The following FAM227B variants were observed in gnomAD, a reference collection of about 807,000 sequenced individuals.
FAM227B encodes family with sequence similarity 227 member B.
FAM227B carries 88 observed loss-of-function variants against 73.8 expected under a neutral mutation model. The ratio of observed to expected loss-of-function variants is 1.19; its 90% CI spans 1.00 to 1.42. The LOEUF (loss-of-function observed/expected upper bound fraction) is 1.42. Among genes scored for constraint, FAM227B ranks in the 40% most tolerant of loss-of-function variants. The pLI is 0.00. For synonymous variants in FAM227B, 210 were observed against 190.5 expected, an observed-to-expected ratio of 1.10 and a Z score of -0.84; for missense variants, 632 against 590.9, an observed-to-expected ratio of 1.07 and a Z score of -0.72.
chr15:49,585,888 A>T (rs2076128983), intron 5 of FAM227B, among the ~76,000 whole-genome samples: 1 of 152,188 alleles, frequency 6.6e-6, no homozygotes, highest in African/African-American at 2.4e-5. Context: ...TGATACAAAC[A>T]AATGGAAAAA....
intron 11 of FAM227B, among the ~76,000 whole-genome samples, chr15:49,489,823 TA>T (rs2056789538): frequency 1.5e-4 from 3 of 19,400 alleles, no homozygotes; most frequent in South Asian, 4.3e-3. Flanking sequence ...ATATATATTT[TA>T]TATATATATA....
chr15:49,379,952 C>T (rs2046415722), intron 11 of FAM227B, among the ~76,000 whole-genome samples: 1 of 152,228 alleles, frequency 6.6e-6, no homozygotes, highest in Admixed American at 6.5e-5. Context: ...CAAAGCCATC[C>T]TGGCCTATTT....
chr15:49,478,086 T>C (rs980148308), intron 11 of FAM227B, among the ~76,000 whole-genome samples: 3 of 152,178 alleles, frequency 2.0e-5, no homozygotes, highest in African/African-American at 7.2e-5. Context: ...TCCCCGCCAG[T>C]AGTCCCCAGT....
At chr15:49,465,529 A>G (rs2054191052) in intron 11 of FAM227B, among the ~76,000 whole-genome samples, 1 of 152,148 alleles carries the variant, frequency 6.6e-6, no homozygotes, top group Non-Finnish European at 1.5e-5. Context: ...GTTGTTACCC[A>G]TAATATGAGT....
At chr15:49,415,779 C>T (rs1337959586) in intron 11 of FAM227B, among the ~76,000 whole-genome samples, 1 of 152,106 alleles carries the variant, frequency 6.6e-6, no homozygotes, top group Non-Finnish European at 1.5e-5. Context: ...ATGACTCATA[C>T]TTTGTATCTT....
intron 11 of FAM227B, among the ~76,000 whole-genome samples, chr15:49,457,428 T>A (rs1277086163): frequency 6.6e-6 from 1 of 152,050 alleles, no homozygotes; most frequent in East Asian, 1.9e-4. Context: ...TTTGGAAAAT[T>A]ATGATGCCAT....
At chr15:49,414,769 T>C (rs1207300437) in intron 11 of FAM227B, among the ~76,000 whole-genome samples, 3 of 152,048 alleles carry the variant, frequency 2.0e-5, no homozygotes, top group African/African-American at 4.8e-5. Context: ...TGTGGTAGAA[T>C]TGACATTTTT....
rs2054995074 is a variant in FAM227B at position 49,473,715 on chromosome 15, AGT to A, written c.1012+34494_1012+34495del. Among the ~76,000 whole-genome samples, 3 of 152,296 alleles carry A rather than the reference AGT, an allele frequency of 2.0e-5. No individual in the cohort carries two copies. The South Asian group carries it at 6.2e-4, about 32-fold the overall frequency. ...GGAAACCAAAGAAATTGTAAAAATAAGTGAGCTAATTTTTTTAAAGCATAGAA... is the reference window on the plus strand; with the variant it reads ...GGAAACCAAAGAAATTGTAAAAATAAGAGCTAATTTTTTTAAAGCATAGAA... On this transcript the variant is annotated intron_variant, in intron 11 of 15. Coordinates refer to ENST00000299338, the MANE Select transcript of FAM227B (RefSeq NM_152647.3).
At chr15:49,430,906 C>G (rs2050555304) in intron 11 of FAM227B, among the ~76,000 whole-genome samples, 1 of 147,548 alleles carries the variant, frequency 6.8e-6, no homozygotes. Flanking sequence ...CTATCCAGAT[C>G]AGAGAAAAGA....
intron 13 of FAM227B, among the ~76,000 whole-genome samples, chr15:49,364,222 A>T (rs891360943): frequency 1.6e-4 from 25 of 152,116 alleles, no homozygotes; most frequent in Non-Finnish European, 2.6e-4. Context: ...GGTGGAATTC[A>T]GCTGTGAATC....
chr15:49,560,116 C>T (rs1017390938), intron 9 of FAM227B, among the ~76,000 whole-genome samples: 1 of 151,960 alleles, frequency 6.6e-6, no homozygotes, highest in East Asian at 1.9e-4. Context: ...GATTAAAAAT[C>T]AACACAAAGA....
intron 2 of FAM227B, chr15:49,614,736 C>T (rs1006333364): frequency 9.9e-6 from 2 of 201,076 alleles, no homozygotes; most frequent in Non-Finnish European, 2.1e-5. Flanking sequence ...CTCTAGACTC[C>T]TCACCATCAC....
chr15:49,396,833 A>G (rs942268004), intron 11 of FAM227B, among the ~76,000 whole-genome samples: 60 of 151,944 alleles, frequency 3.9e-4, no homozygotes, highest in Non-Finnish European at 7.4e-4. Flanking sequence ...CATCCACACC[A>G]AAAACCCATC....
intron 13 of FAM227B, among the ~76,000 whole-genome samples, chr15:49,360,942 C>T (rs1033200667): frequency 2.2e-4 from 33 of 152,076 alleles, no homozygotes; most frequent in African/African-American, 7.7e-4. Flanking sequence ...CATGTGAATC[C>T]TTACACATAG....
At chr15:49,430,904 A>T (rs906955603) in intron 11 of FAM227B, among the ~76,000 whole-genome samples, 2 of 151,810 alleles carry the variant, frequency 1.3e-5, no homozygotes, top group Non-Finnish European at 2.9e-5. Flanking sequence ...GTCTATCCAG[A>T]TCAGAGAAAA....
rs552913302 is a variant in FAM227B, at chr15:49,448,035, C to T, written c.1012+60176G>A. Among the ~76,000 whole-genome samples, 143 of 151,506 alleles carry T rather than the reference C, an allele frequency of 9.4e-4. 5 individuals carry two copies. In the South Asian group the frequency reaches 0.028, roughly 29 times the overall value. On this transcript the variant is annotated intron_variant, in intron 11 of 15. Transcript: ENST00000299338. ...GAGAGTTTGAAATTATTTTAATGTC[C>T]GAGAGCATATACAGATTTATAATCA...
At chr15:49,460,837 G>A (rs1178612042) in intron 11 of FAM227B, among the ~76,000 whole-genome samples, 1 of 152,140 alleles carries the variant, frequency 6.6e-6, no homozygotes, top group Admixed American at 6.5e-5. Context: ...AGATATCAAA[G>A]AAGAACATTG....
At chr15:49,613,012 A>G (rs1018861545) in intron 2 of FAM227B, among the ~76,000 whole-genome samples, 1 of 152,024 alleles carries the variant, frequency 6.6e-6, no homozygotes, top group African/African-American at 2.4e-5. Flanking sequence ...CGAGAAGGGT[A>G]GTGGGAAGTG....
At chr15:49,362,934 G>A (rs185954811) in intron 13 of FAM227B, among the ~76,000 whole-genome samples, 1 of 152,174 alleles carries the variant, frequency 6.6e-6, no homozygotes, top group East Asian at 1.9e-4. Flanking sequence ...GATGGTAGTA[G>A]GTGTGCAGCA....
Sources: gnomAD v4.1 joint callset for allele counts (sites outside exome capture counted in the v4.1 genomes callset) on GRCh38, gnomAD v4.1.1 for gene constraint, MANE v1.5 for transcripts, NCBI Gene and HGNC (gene_info 2026-07-23, HGNC 2026-07-21) for gene names.